Variants in RANBP2 observed in about 807,000 individuals in gnomAD.
RANBP2 encodes RAN binding protein 2, also known as E3 SUMO-protein ligase RanBP2.
A neutral mutation model predicts 303.6 loss-of-function variants in RANBP2; 57 were observed. That is an observed-to-expected ratio of 0.19 (90% CI 0.15 to 0.23). The LOEUF is 0.23. RANBP2 is among the 10% of genes least tolerant of loss of function. The pLI, the probability that RANBP2 is intolerant of heterozygous loss-of-function variation, is 1.00. For missense variants in RANBP2, 3,138 were observed against 3,780.8 expected (o/e 0.83, Z 4.46); for synonymous variants, 1,167 against 1,301.5 (o/e 0.90, Z 2.23).
the RANBP2 span, among the ~76,000 whole-genome samples, chr2:109,294,975 G>A: frequency 6.6e-6 from 1 of 152,240 alleles, no homozygotes; most frequent in Admixed American, 6.5e-5. Context: ...TGTTCATTCA[G>A]GGCTCATGGT....
chr2:109,237,996 A>C, the RANBP2 span, among the ~76,000 whole-genome samples: 1 of 152,220 alleles, frequency 6.6e-6, no homozygotes, highest in African/African-American at 2.4e-5. Flanking sequence ...ACTTGAGGTC[A>C]GGAGTTCAAA....
At chr2:109,443,152 A>T in the RANBP2 span, among the ~76,000 whole-genome samples, 1 of 152,278 alleles carries the variant, frequency 6.6e-6, no homozygotes, top group African/African-American at 2.4e-5. Flanking sequence ...GGGTGTGTAC[A>T]CATATCTCAC....
At chr2:109,219,525 C>G in the RANBP2 span, among the ~76,000 whole-genome samples, 271 of 152,172 alleles carry the variant, frequency 1.8e-3, 2 homozygotes, top group African/African-American at 6.2e-3. Context: ...TCTCTGTTTG[C>G]AGATGATACG....
chr2:109,683,367 C>G, the RANBP2 span, among the ~76,000 whole-genome samples: 1 of 152,098 alleles, frequency 6.6e-6, no homozygotes, highest in African/African-American at 2.4e-5. Context: ...TGTGATTCTG[C>G]GGTGTGCACG....
chr2:109,584,367 C>T, the RANBP2 span, among the ~76,000 whole-genome samples: 4 of 145,760 alleles, frequency 2.7e-5, no homozygotes, highest in East Asian at 2.1e-4. Flanking sequence ...CCTAGCTACT[C>T]GGGAGGCTGA....
At chr2:109,702,163 T>G in the RANBP2 span, among the ~76,000 whole-genome samples, 1 of 152,148 alleles carries the variant, frequency 6.6e-6, no homozygotes, top group Non-Finnish European at 1.5e-5. Context: ...TGACTTGGTG[T>G]GTTAGCTTCC....
At chr2:108,931,235 C>T in the RANBP2 span, among the ~76,000 whole-genome samples, 1 of 152,242 alleles carries the variant, frequency 6.6e-6, no homozygotes, top group Non-Finnish European at 1.5e-5. Context: ...GCCTCGCAGC[C>T]ATGCCTGGGA....
At chr2:109,240,289 C>T in the RANBP2 span, among the ~76,000 whole-genome samples, 19 of 152,070 alleles carry the variant, frequency 1.2e-4, no homozygotes, top group African/African-American at 2.2e-4. Context: ...CACTTGAGGT[C>T]GGGAGTCCAA....
chr2:109,390,760 G>C, the RANBP2 span, among the ~76,000 whole-genome samples: 1 of 152,190 alleles, frequency 6.6e-6, no homozygotes, highest in Non-Finnish European at 1.5e-5. Context: ...TTGAGGGCTG[G>C]CTTGTGGGGC....
In RANBP2 at chr2:108,782,414, A is replaced by G; in HGVS notation, c.9034+13A>G. On this transcript the variant is annotated intron_variant, in intron 27 of 28. Transcript: ENST00000283195. ...TCAGATTATGCTGGTGAGTTTTTAC[A>G]TTCAAATGCTACTTTTCATTTTTTG... 1.2e-6 allele frequency: 2 copies of G among 1,613,874 alleles called. No homozygotes were observed. Among genetic ancestry groups the G allele is most frequent in the Non-Finnish European group, 1.7e-6 (2 of 1,180,020 alleles).
At chr2:109,725,906 T>C in the RANBP2 span, among the ~76,000 whole-genome samples, 1 of 151,966 alleles carries the variant, frequency 6.6e-6, no homozygotes, top group Non-Finnish European at 1.5e-5. Flanking sequence ...CTAATTTTTG[T>C]ATTTTTAGTA....
At chr2:109,170,800 A>G in the RANBP2 span, among the ~76,000 whole-genome samples, 4 of 152,216 alleles carry the variant, frequency 2.6e-5, no homozygotes, top group African/African-American at 4.8e-5. Context: ...GGAAGCTGAC[A>G]TCCAGGTGCA....
At chr2:109,717,271 CCAAA>C in the RANBP2 span, among the ~76,000 whole-genome samples, 10 of 80,866 alleles carry the variant, frequency 1.2e-4, no homozygotes, top group Admixed American at 5.0e-4. Context: ...TAAAAACAAA[CCAAA>C]AAAAAAAAAA....
chr2:108,900,694 G>T, the RANBP2 span, among the ~76,000 whole-genome samples: 1 of 152,110 alleles, frequency 6.6e-6, no homozygotes, highest in African/African-American at 2.4e-5. Flanking sequence ...AATGAGAGAG[G>T]CGTTGGAAGT....
At chr2:109,507,086 A>AG in the RANBP2 span, among the ~76,000 whole-genome samples, 1 of 152,114 alleles carries the variant, frequency 6.6e-6, no homozygotes, top group African/African-American at 2.4e-5. Context: ...AGCTCTACCT[A>AG]GGGGAGAATG....
the RANBP2 span, among the ~76,000 whole-genome samples, chr2:109,778,420 G>C: frequency 2.0e-5 from 3 of 149,514 alleles, no homozygotes; most frequent in South Asian, 4.2e-4. Context: ...TTGTTTCTCC[G>C]TATAAATCTT....
At chr2:109,566,005 C>A in the RANBP2 span, 5 of 709,668 alleles carry the variant, frequency 7.0e-6, no homozygotes, top group Admixed American at 9.2e-5. Context: ...TTAAAACCTG[C>A]CAGTGAATAT....
the RANBP2 span, among the ~76,000 whole-genome samples, chr2:109,635,052 A>T: frequency 6.6e-6 from 1 of 152,166 alleles, no homozygotes; most frequent in African/African-American, 2.4e-5. Context: ...TAAATTGTAA[A>T]AATAATGTTT....
the RANBP2 span, among the ~76,000 whole-genome samples, chr2:109,484,034 A>G: frequency 5.4e-5 from 8 of 148,652 alleles, no homozygotes; most frequent in Admixed American, 2.7e-4. Context: ...AGTTGGCCCT[A>G]GAGGCACCAA....
Sources: gnomAD v4.1 joint callset for allele counts (sites outside exome capture counted in the v4.1 genomes callset) on GRCh38, gnomAD v4.1.1 for gene constraint, MANE v1.5 for transcripts, NCBI Gene and HGNC (gene_info 2026-07-23, HGNC 2026-07-21) for gene names.